Variants in OSBP observed in about 807,000 individuals in gnomAD.
The protein encoded by OSBP is oxysterol binding protein.
A neutral mutation model predicts 96.6 loss-of-function variants in OSBP; 32 were observed. The observed-to-expected ratio is 0.33, with a 90% CI of 0.25 to 0.45. OSBP has a LOEUF of 0.45. OSBP is among the 20% of genes least tolerant of loss of function. The pLI, the probability that OSBP is intolerant of heterozygous loss-of-function variation, is 1.00. For synonymous variants in OSBP, 369 were observed against 389.6 expected (o/e 0.95, Z 0.62); for missense variants, 653 against 1,029.7 (o/e 0.63, Z 5.01).
chr11:59,595,931 G>C (rs1009951155), intron 7 of OSBP, among the ~76,000 whole-genome samples: 1 of 149,410 alleles, frequency 6.7e-6, no homozygotes, highest in African/African-American at 2.5e-5. Context: ...GCAACAGAGC[G>C]AGACTCTGTC....
At chr11:59,593,345 T>G (rs1199149725) in intron 9 of OSBP, 1 of 363,616 alleles carries the variant, frequency 2.8e-6, no homozygotes, top group African/African-American at 2.1e-5. Flanking sequence ...AGAACTTGTG[T>G]TCTAAATAGT....
chr11:59,610,082 A>G (rs777735337), intron 2 of OSBP, among the ~76,000 whole-genome samples: 2 of 152,120 alleles, frequency 1.3e-5, no homozygotes, highest in African/African-American at 4.8e-5. Flanking sequence ...GCTGTTTGGT[A>G]TATTATAGGA....
At chr11:59,605,916 T>C (rs1860775361) in intron 3 of OSBP, among the ~76,000 whole-genome samples, 1 of 152,188 alleles carries the variant, frequency 6.6e-6, no homozygotes, top group African/African-American at 2.4e-5. Flanking sequence ...GGGATGCAGG[T>C]TGCCTCAAGT....
In OSBP at chr11:59,615,620, T is replaced by C. The variant is rs879055688; in HGVS notation, c.45A>G (p.Ala15=). 1.5e-6 allele frequency: 2 copies of C among 1,379,078 alleles called. No homozygotes were observed. Among genetic ancestry groups the C allele is most frequent in the South Asian group, 1.6e-5 (1 of 63,186 alleles). 85.4% of individuals were successfully genotyped at this position (1,379,078 alleles called of 1,614,324 possible). A position where few individuals can be genotyped will look rare whatever the true frequency, so the allele number is the denominator to read the frequency against. Residue 15 remains alanine, a synonymous_variant, in exon 1 of 14, where the codon GCA becomes GCG. Transcript: ENST00000263847. ...CGCCGCCGCCAAGTGCTGCAATGGC[T>C]GCCGGGCCTGGCCCCACCACTCCTC... ...ELRGVVGPGP[A]AIAALGGGGA...
At chr11:59,600,458 G>C in intron 7 of OSBP, 38 bp downstream of exon 7, 2 of 1,608,282 alleles carry the variant, frequency 1.2e-6, no homozygotes, top group South Asian at 1.1e-5. Context: ...GGCTTGAGAG[G>C]AACTCCTGGC....
rs560761355 is a variant in OSBP, at chr11:59,575,372, T to G, written c.*1205A>C. 1 of 152,138 alleles carries G rather than the reference T, an allele frequency of 6.6e-6. No homozygotes were observed. Among genetic ancestry groups the G allele is most frequent in the Non-Finnish European group, 1.5e-5 (1 of 67,994 alleles). 9.4% of individuals were successfully genotyped at this position (152,138 alleles called of 1,614,324 possible). A position where few individuals can be genotyped will look rare whatever the true frequency, so the allele number is the denominator to read the frequency against. On this transcript the variant is annotated 3_prime_UTR_variant, in exon 14 of 14. Coordinates refer to ENST00000263847, the MANE Select transcript of OSBP (RefSeq NM_002556.3). Reference sequence around the variant, plus strand: ...ACTGCCAGACATGATCCTGCTCAGGTTTTGAAATCTCTCTGCCCATAAAAG... The same window carrying G: ...ACTGCCAGACATGATCCTGCTCAGGGTTTGAAATCTCTCTGCCCATAAAAG...
At chr11:59,588,140 C>G (rs966182662) in intron 9 of OSBP, among the ~76,000 whole-genome samples, 5 of 152,168 alleles carry the variant, frequency 3.3e-5, no homozygotes, top group African/African-American at 9.7e-5. Context: ...CACAAACAGA[C>G]AAAAACTATA....
At chr11:59,591,682 G>A (rs1290897748) in intron 9 of OSBP, among the ~76,000 whole-genome samples, 9 of 149,282 alleles carry the variant, frequency 6.0e-5, no homozygotes, top group Admixed American at 2.7e-4. Flanking sequence ...GTGAAATGGC[G>A]TGATCTCAGC....
rs531006568 is a variant in OSBP, at chr11:59,607,101, T to TA, written c.822+1382dup. 6.0e-4 allele frequency among the ~76,000 whole-genome samples: 91 copies of TA among 150,452 alleles called. 1 individual carries two copies. Among genetic ancestry groups the TA allele is most frequent in the Admixed American group, 2.3e-3 (35 of 15,120 alleles). The stretch of plus-strand genomic sequence containing the variant: ...ACTTAGCAAAATTTTTACATCAAGG[T>TA]AAAAAAAAAATTATGGATTGGGGTG... On this transcript the variant is annotated intron_variant, in intron 3 of 13. Transcript: ENST00000263847.
intron 8 of OSBP, 102 bp downstream of exon 8, chr11:59,593,908 A>T (rs1860616777): frequency 6.8e-7 from 1 of 1,473,476 alleles, no homozygotes. Context: ...AGCTGGGATG[A>T]CAGGGACTAG....
At chr11:59,576,745 A>C in intron 13 of OSBP, 26 bp from the exon 14 acceptor site, 1 of 1,612,164 alleles carries the variant, frequency 6.2e-7, no homozygotes, top group Non-Finnish European at 8.5e-7. Flanking sequence ...AGGAAAGAAA[A>C]AAATTAGTGC....
chr11:59,590,766 T>C (rs1860568296), intron 9 of OSBP, among the ~76,000 whole-genome samples: 1 of 152,216 alleles, frequency 6.6e-6, no homozygotes, highest in African/African-American at 2.4e-5. Flanking sequence ...TTAACAATAA[T>C]TTTCTCTCTG....
chr11:59,600,251 A>G (rs559727396), intron 7 of OSBP, among the ~76,000 whole-genome samples: 1 of 152,372 alleles, frequency 6.6e-6, no homozygotes, highest in Admixed American at 6.5e-5. Context: ...TGCATCTAGC[A>G]TAGGAATTTG....
At chr11:59,587,001 A>G (rs1310470069) in intron 9 of OSBP, among the ~76,000 whole-genome samples, 1 of 152,232 alleles carries the variant, frequency 6.6e-6, no homozygotes, top group Non-Finnish European at 1.5e-5. Flanking sequence ...AGCAGATGCA[A>G]AAACAACAAA....
chr11:59,603,786 T>C (rs1860748958), intron 3 of OSBP, among the ~76,000 whole-genome samples: 2 of 152,088 alleles, frequency 1.3e-5, no homozygotes, highest in Admixed American at 6.6e-5. Context: ...GATCCACACC[T>C]GGGACTACAG....
chr11:59,598,388 A>G lies in OSBP; in HGVS notation c.1311+2108T>C, dbSNP rs527964347. Among the ~76,000 whole-genome samples, 8 of 152,246 alleles carry G rather than the reference A, an allele frequency of 5.3e-5. No individual in the cohort carries two copies. The South Asian group carries it at 1.5e-3, about 28-fold the overall frequency. ...TTGTAGGCTTAGTAGCTGGCTGTGG[A>G]CAAAACCTGTAGCCACTCGCCCATC... is the stretch of plus-strand genomic sequence containing the variant. On this transcript the variant is annotated intron_variant, in intron 7 of 13. Transcript: ENST00000263847.
Position 59,615,559 on chromosome 11 carries a change from G to A in OSBP, c.106C>T (p.Arg36Cys). 2.2e-6 allele frequency: 3 copies of A among 1,358,504 alleles called. No homozygotes were observed. The highest frequency in any genetic ancestry group is 1.7e-5 in the South Asian group (1 of 58,968). 84.2% of individuals were successfully genotyped at this position (1,358,504 alleles called of 1,614,324 possible). A position where few individuals can be genotyped will look rare whatever the true frequency, so the allele number is the denominator to read the frequency against. ...GPPVVGGGGG[R>C]GDAGPGSGAA... is the part of the protein sequence containing the mutation. The stretch of plus-strand genomic sequence containing the variant: ...CCGGAGCCTGGCCCCGCATCTCCGC[G>A]GCCGCCGCCTCCTCCCACCACTGGG... Residue 36 changes from arginine (R) to cysteine (C), a missense_variant, in exon 1 of 14, where the codon CGC becomes TGC. This residue lies in a region of OSBP where 151 missense variants were observed against 146.1 expected (regional missense o/e 1.03). Transcript: ENST00000263847.
rs1860381442 is a variant in OSBP at position 59,578,186 on chromosome 11, C to T, written c.2023G>A (p.Glu675Lys). The T allele has an allele frequency of 1.2e-6, 2 of 1,614,096 alleles. No individual in the cohort carries two copies. Among genetic ancestry groups the T allele is most frequent in the Admixed American group, 3.3e-5 (2 of 60,008 alleles). Residue 675 changes from glutamate (E) to lysine (K), a missense_variant, in exon 12 of 14, where the codon GAA (glutamate) becomes AAA (lysine). Glu to Lys is a moderately conservative substitution (Grantham distance 56). Coordinates refer to ENST00000263847, the MANE Select transcript of OSBP (RefSeq NM_002556.3). ...DARQRGHEAEESRVMLWKRNP... is the reference protein window; with the variant it reads ...DARQRGHEAEKSRVMLWKRNP... ...CTTTTCCACAGCATGACCCTGCTTT[C>T]CTCTGCTTCATGGCCTCTCTGTCGA... is the stretch of plus-strand genomic sequence containing the variant.
Position 59,576,836 on chromosome 11 carries a change from T to C in OSBP, c.2250A>G (p.Arg750=), listed in dbSNP as rs1289042242. 2.5e-6 allele frequency: 4 copies of C among 1,614,092 alleles called. No homozygotes were observed. The Admixed American group carries it at 6.7e-5, about 27-fold the overall frequency. The change falls in exon 13 of 14, where the codon AGA becomes AGG. Residue 750 remains arginine (R), a synonymous_variant. Transcript: ENST00000263847. The part of the protein sequence containing the change: ...EEKQRLSRKK[R]EAEAMKATED... ...CTGTGGCTTTCATAGCTTCCGCTTC[T>C]CTCTTCTTTCTGGAAAGTCTTTGTT...
Sources: allele counts gnomAD v4.1 joint callset (sites outside exome capture counted in the v4.1 genomes callset), GRCh38; gene constraint gnomAD v4.1.1; regional missense constraint gnomAD v4.1.1; transcripts MANE v1.5; gene names NCBI Gene and HGNC (gene_info 2026-07-23, HGNC 2026-07-21).